The following CYP4Z1 variants were observed in gnomAD, a reference collection of about 807,000 sequenced individuals.
CYP4Z1 encodes cytochrome P450 4Z1.
CYP4Z1 carries 41 observed loss-of-function variants against 54.2 expected under a neutral mutation model. That is an observed-to-expected ratio of 0.76 (90% CI 0.59 to 0.98). The LOEUF (loss-of-function observed/expected upper bound fraction) is 0.98. Ranked by LOEUF, CYP4Z1 falls within the 50% of genes least tolerant of loss-of-function variation. The pLI is 0.00. For missense variants in CYP4Z1, 513 were observed against 599.0 expected (o/e 0.86, Z 1.50); for synonymous variants, 163 against 206.2 (o/e 0.79, Z 1.79).
chr1:47,086,693 T>C (rs1400843216), intron 6 of CYP4Z1, among the ~76,000 whole-genome samples: 1 of 152,208 alleles, frequency 6.6e-6, no homozygotes, highest in Admixed American at 6.5e-5. Context: ...AGCTCTTTAG[T>C]TTAATAAGAT....
At chr1:47,084,445 T>C (rs1404540343) in intron 4 of CYP4Z1, among the ~76,000 whole-genome samples, 175 bp from the exon 5 acceptor site, 1 of 151,966 alleles carries the variant, frequency 6.6e-6, no homozygotes, top group East Asian at 1.9e-4. Context: ...TAAGGCACAG[T>C]ATCATTTTCA....
chr1:47,115,599 A>G lies in CYP4Z1; in HGVS notation c.1266+6A>G. 6.2e-7 allele frequency: 1 copy of G among 1,613,154 alleles called. No homozygotes were observed. On this transcript the variant is annotated splice_donor_region_variant and intron_variant, in intron 10 of 11. Coordinates refer to ENST00000334194, the MANE Select transcript of CYP4Z1 (RefSeq NM_178134.3). ...ATTTCTGGGAAGACCCTCAGGTATG[A>G]TTGTCCCAACTGCACCCAGTGGCAT...
At chr1:47,067,726 A>T (rs962234438) in intron 1 of CYP4Z1, 59 bp downstream of exon 1, 77 of 1,472,994 alleles carry the variant, frequency 5.2e-5, no homozygotes, top group Non-Finnish European at 7.0e-5. Context: ...TATTAAAAAA[A>T]AACAGCACAG....
chr1:47,085,096 T>G, intron 6 of CYP4Z1, 118 bp downstream of exon 6: 1 of 595,472 alleles, frequency 1.7e-6, no homozygotes, highest in Non-Finnish European at 3.0e-6. Flanking sequence ...CATTCAGAAA[T>G]GCTAATTTGT....
the CYP4Z1 span, among the ~76,000 whole-genome samples, chr1:47,060,619 C>A: frequency 1.3e-5 from 2 of 152,080 alleles, no homozygotes; most frequent in African/African-American, 2.4e-5. Context: ...AGACTTCAAC[C>A]CTCCACTGTC....
At chr1:47,113,057 T>C (rs1569761586) in intron 9 of CYP4Z1, among the ~76,000 whole-genome samples, 2 of 151,818 alleles carry the variant, frequency 1.3e-5, no homozygotes, top group East Asian at 1.9e-4. Context: ...CAGTGATCCA[T>C]AATGGTTTCA....
At chr1:47,114,232 G>A (rs575766444) in intron 9 of CYP4Z1, among the ~76,000 whole-genome samples, 1 of 152,326 alleles carries the variant, frequency 6.6e-6, no homozygotes, top group African/African-American at 2.4e-5. Context: ...TAGGAAAGCT[G>A]GCTAGCCATA....
intron 6 of CYP4Z1, among the ~76,000 whole-genome samples, chr1:47,089,559 C>T (rs1182065626): frequency 3.3e-5 from 5 of 152,168 alleles, no homozygotes; most frequent in African/African-American, 1.2e-4. Context: ...TATTGCAATC[C>T]ATTGGTGTAA....
At chr1:47,106,833 T>G (rs1335516837) in intron 9 of CYP4Z1, among the ~76,000 whole-genome samples, 1 of 152,194 alleles carries the variant, frequency 6.6e-6, no homozygotes, top group African/African-American at 2.4e-5. Flanking sequence ...GGTGGCATGA[T>G]TATAGTTATT....
At chr1:47,117,363 T>G (rs1644837994) in intron 11 of CYP4Z1, among the ~76,000 whole-genome samples, 3 of 152,208 alleles carry the variant, frequency 2.0e-5, no homozygotes, top group Non-Finnish European at 4.4e-5. Context: ...GAGCCACAGT[T>G]TGCAGGTCTT....
At chr1:47,073,301 AC>A in intron 2 of CYP4Z1, among the ~76,000 whole-genome samples, 1 of 113,130 alleles carries the variant, frequency 8.8e-6, no homozygotes, top group East Asian at 2.5e-4. Context: ...GTATGAATAT[AC>A]CACATTTTGT....
At chr1:47,087,220 A>G (rs1569721633) in intron 6 of CYP4Z1, among the ~76,000 whole-genome samples, 2 of 152,264 alleles carry the variant, frequency 1.3e-5, no homozygotes, top group Admixed American at 1.3e-4. Flanking sequence ...GTTTTTTTCC[A>G]ATTCTGTGAA....
intron 6 of CYP4Z1, among the ~76,000 whole-genome samples, chr1:47,088,011 A>G (rs1644610290): frequency 6.6e-6 from 1 of 152,102 alleles, no homozygotes; most frequent in African/African-American, 2.4e-5. Context: ...TGATTTGCGT[A>G]TGTTGAACCA....
chr1:47,103,688 G>A (rs1407031955), intron 8 of CYP4Z1, among the ~76,000 whole-genome samples: 12 of 147,924 alleles, frequency 8.1e-5, no homozygotes, highest in Non-Finnish European at 1.5e-4. Context: ...TCCACCTCCC[G>A]GGTTCAAGCA....
Position 47,117,923 on chromosome 1 carries a change from A to C in CYP4Z1, c.1507A>C (p.Lys503Gln). ...GAATGGAATCCATGTGTTTGCAAAA[A>C]AAGTTTGCTAATTTTAAGTCCTTTC... is the stretch of plus-strand genomic sequence containing the variant. ...SKNGIHVFAK[K>Q]VC Residue 503 changes from lysine to glutamine, a missense_variant, in exon 12 of 12, where the codon AAA (lysine) becomes CAA (glutamine). Transcript: ENST00000334194. The C allele has an allele frequency of 6.2e-7, 1 of 1,612,842 alleles. No homozygotes were observed.
At chr1:47,114,680 C>A (rs375644427) in intron 9 of CYP4Z1, among the ~76,000 whole-genome samples, 13 of 152,272 alleles carry the variant, frequency 8.5e-5, no homozygotes, top group Admixed American at 4.6e-4. Flanking sequence ...ATGCAGCCAA[C>A]AGACACATGA....
At chr1:47,079,662 T>A (rs1263396963) in intron 2 of CYP4Z1, among the ~76,000 whole-genome samples, 1 of 152,188 alleles carries the variant, frequency 6.6e-6, no homozygotes, top group Non-Finnish European at 1.5e-5. Flanking sequence ...GATGAGAAAG[T>A]GGAATTAGTT....
chr1:47,099,186 C>A lies in CYP4Z1; in HGVS notation c.969C>A (p.Ile323=). ...GACATGACACCACATCCAGTGCTAT[C>A]TCCTGGATCCTTTACTGCTTGGCAA... is the stretch of plus-strand genomic sequence containing the variant. ...FAGHDTTSSA[I]SWILYCLAKY... Residue 323 remains isoleucine (I), a synonymous_variant, in exon 8 of 12, where the codon ATC becomes ATA. Coordinates refer to ENST00000334194, the MANE Select transcript of CYP4Z1 (RefSeq NM_178134.3). 1 of 1,613,974 alleles carries A rather than the reference C, an allele frequency of 6.2e-7. No homozygotes were observed. The highest frequency in any genetic ancestry group is 2.2e-5 in the East Asian group (1 of 44,848).
intron 6 of CYP4Z1, among the ~76,000 whole-genome samples, chr1:47,087,167 G>A (rs1247404714): frequency 6.6e-6 from 1 of 152,150 alleles, no homozygotes; most frequent in Non-Finnish European, 1.5e-5. Context: ...CAATTGACTT[G>A]GCAATGAGGG....
Sources: allele counts gnomAD v4.1 joint callset (sites outside exome capture counted in the v4.1 genomes callset), GRCh38; gene constraint gnomAD v4.1.1; transcripts MANE v1.5; gene names NCBI Gene and HGNC (gene_info 2026-07-23, HGNC 2026-07-21).